Variants in PCDH15 observed in about 807,000 individuals in gnomAD.
PCDH15 encodes protocadherin related 15, also known as protocadherin-15.
A neutral mutation model predicts 178.5 loss-of-function variants in PCDH15; 129 were observed. The observed-to-expected ratio is 0.72, with a 90% CI of 0.63 to 0.84. The LOEUF (loss-of-function observed/expected upper bound fraction) is 0.84. Ranked by LOEUF, PCDH15 falls within the 40% of genes least tolerant of loss-of-function variation. The pLI, the probability that PCDH15 is intolerant of heterozygous loss-of-function variation, is 0.00. For missense variants in PCDH15, 2,230 were observed against 2,099.9 expected, an observed-to-expected ratio of 1.06 and a Z score of -1.21; for synonymous variants, 800 against 732.0, an observed-to-expected ratio of 1.09 and a Z score of -1.50.
chr10:54,294,428 C>T (rs901745352), intron 8 of PCDH15, among the ~76,000 whole-genome samples: 2 of 152,078 alleles, frequency 1.3e-5, no homozygotes, highest in Admixed American at 6.6e-5. Context: ...TCAATCTGCA[C>T]GTTGTACACA....
chr10:54,959,213 A>G (rs1838577754), intron 2 of PCDH15, among the ~76,000 whole-genome samples: 1 of 151,810 alleles, frequency 6.6e-6, no homozygotes, highest in Admixed American at 6.6e-5. Context: ...TGCTGCCATT[A>G]GAGGTTAGTA....
rs201785630 is a variant in PCDH15 at position 55,192,990 on chromosome 10, T to TA, written c.-155-26340_-155-26339insT. Among the ~76,000 whole-genome samples, 1,357 of 151,172 alleles carry TA rather than the reference T, an allele frequency of 9.0e-3. 35 individuals are homozygous for TA. Among genetic ancestry groups the TA allele is most frequent in the African/African-American group, 0.031 (1,278 of 41,240 alleles). On this transcript the variant is annotated intron_variant, in intron 1 of 5. Coordinates refer to the PCDH15 transcript ENST00000458638. ...TTCCTATCCTTTCAAAATGGCTTTT[T>TA]TTTTTTTTTTTGATAATTGCAAGAT... is the stretch of plus-strand genomic sequence containing the variant.
At chr10:54,668,244 G>C (rs1373299595) in intron 1 of PCDH15, among the ~76,000 whole-genome samples, 1 of 151,690 alleles carries the variant, frequency 6.6e-6, no homozygotes, top group Admixed American at 6.6e-5. Flanking sequence ...TTATATTCCA[G>C]CAAAATAAAG....
intron 2 of PCDH15, among the ~76,000 whole-genome samples, chr10:55,584,742 C>T (rs914067750): frequency 1.7e-4 from 26 of 149,362 alleles, no homozygotes; most frequent in African/African-American, 6.4e-4. Context: ...AGTATGTAGA[C>T]ACACATATAG....
intron 2 of PCDH15, among the ~76,000 whole-genome samples, chr10:55,401,481 A>C (rs1387881015): frequency 6.6e-6 from 1 of 152,032 alleles, no homozygotes; most frequent in Non-Finnish European, 1.5e-5. Flanking sequence ...TGTATTTGTA[A>C]TGCAAAGGTC....
chr10:54,656,264 G>A (rs1223423385), intron 2 of PCDH15, among the ~76,000 whole-genome samples: 1 of 152,028 alleles, frequency 6.6e-6, no homozygotes. Context: ...ACAAGAAGAA[G>A]CTAGGGTACA....
At chr10:54,464,299 A>G (rs943539018) in intron 3 of PCDH15, among the ~76,000 whole-genome samples, 1 of 152,176 alleles carries the variant, frequency 6.6e-6, no homozygotes, top group African/African-American at 2.4e-5. Flanking sequence ...AGGAGATTTT[A>G]ATATTGAAGA....
At chr10:55,214,064 G>A (rs1047424146) in intron 1 of PCDH15, among the ~76,000 whole-genome samples, 1 of 151,780 alleles carries the variant, frequency 6.6e-6, no homozygotes, top group African/African-American at 2.4e-5. Context: ...GATATTTTAT[G>A]TTATCTTGTT....
chr10:55,540,168 GAGT>G (rs1564443742), intron 2 of PCDH15, among the ~76,000 whole-genome samples: 1 of 151,990 alleles, frequency 6.6e-6, no homozygotes, highest in African/African-American at 2.4e-5. Context: ...CCATTTGTGT[GAGT>G]AGACTACCTT....
intron 2 of PCDH15, among the ~76,000 whole-genome samples, chr10:55,119,154 A>T (rs1459755860): frequency 6.6e-6 from 1 of 152,146 alleles, no homozygotes; most frequent in Non-Finnish European, 1.5e-5. Flanking sequence ...GCTTCACTTA[A>T]AAACAAGACA....
In PCDH15 at chr10:53,820,248, A is replaced by C. The variant is rs1588916135; in HGVS notation, c.4368-18T>G. The C allele has an allele frequency of 5.0e-6, 2 of 397,668 alleles. No homozygotes were observed. Among genetic ancestry groups the C allele is most frequent in the East Asian group, 7.1e-5 (2 of 28,002 alleles). 24.6% of individuals were successfully genotyped at this position (397,668 alleles called of 1,614,324 possible). ...AACTCCAACTGAAGTTTTTCAGTGA[A>C]AGAAAGAAAAAAATCACGTTCAAGA... On this transcript the variant is annotated intron_variant, in intron 32 of 37. Transcript: ENST00000644397.
intron 2 of PCDH15, among the ~76,000 whole-genome samples, chr10:54,577,875 TAAATAAATAAATAA>T (rs1565647805): frequency 6.0e-5 from 9 of 150,748 alleles, no homozygotes; most frequent in African/African-American, 2.2e-4. Flanking sequence ...AATAAATAAA[TAAATAAATAAATAA>T]ATAAATATTC....
intron 2 of PCDH15, among the ~76,000 whole-genome samples, chr10:55,554,502 T>C (rs539293091): frequency 6.6e-6 from 1 of 152,190 alleles, no homozygotes; most frequent in East Asian, 1.9e-4. Flanking sequence ...ATTATTACAG[T>C]TGAACTTTCA....
intron 2 of PCDH15, among the ~76,000 whole-genome samples, chr10:55,478,622 T>C (rs1840109552): frequency 6.7e-6 from 1 of 148,848 alleles, no homozygotes; most frequent in South Asian, 2.1e-4. Context: ...AAACACAAAA[T>C]TAGGAGAAGG....
rs143241613 is a variant in PCDH15 at position 55,598,339 on chromosome 10, T to G, written c.-156+29286A>C. ...AGAAACCCCACTATGCTTACACAAA[T>G]AGTTATATTAACAAGACTGTTCGCC... On this transcript the variant is annotated intron_variant, in intron 2 of 5. Coordinates refer to the PCDH15 transcript ENST00000613346. Among the ~76,000 whole-genome samples the G allele has an allele frequency of 6.1e-3, 783 of 127,782 alleles. 8 individuals are homozygous for G. Among genetic ancestry groups the G allele is most frequent in the African/African-American group, 0.023 (757 of 32,534 alleles). The allele number at this position is 127,782 out of a possible 152,430, so 83.8% of individuals were successfully genotyped here.
intron 21 of PCDH15, among the ~76,000 whole-genome samples, chr10:53,972,102 G>A (rs576528620): frequency 2.0e-5 from 3 of 152,158 alleles, no homozygotes; most frequent in Admixed American, 6.5e-5. Context: ...ATAGGCCAAT[G>A]GAACAGAACA....
intron 1 of PCDH15, among the ~76,000 whole-genome samples, chr10:54,718,396 G>T (rs1229348855): frequency 6.6e-6 from 1 of 152,066 alleles, no homozygotes; most frequent in South Asian, 2.1e-4. Flanking sequence ...CACATGCACA[G>T]TGCATTGCTA....
At chr10:54,215,261 A>T (rs529323618) in intron 9 of PCDH15, among the ~76,000 whole-genome samples, 2 of 152,228 alleles carry the variant, frequency 1.3e-5, no homozygotes, top group Non-Finnish European at 2.9e-5. Context: ...GTTAAAACAC[A>T]TCCAAAAAGG....
intron 2 of PCDH15, among the ~76,000 whole-genome samples, chr10:54,607,645 G>A (rs1033578863): frequency 2.6e-5 from 4 of 152,076 alleles, no homozygotes; most frequent in South Asian, 2.1e-4. Context: ...TTAGCATAAC[G>A]ATTCAATCAG....
Sources: gnomAD v4.1 joint callset for allele counts (sites outside exome capture counted in the v4.1 genomes callset) on GRCh38, gnomAD v4.1.1 for gene constraint, MANE v1.5 for transcripts, NCBI Gene and HGNC (gene_info 2026-07-23, HGNC 2026-07-21) for gene names.